The following CIB4 variants were observed in gnomAD, a reference collection of about 807,000 sequenced individuals.
CIB4 encodes calcium and integrin binding family member 4, also known as calcium and integrin-binding family member 4.
In CIB4, 25 loss-of-function variants were observed where a neutral mutation model predicts 25.8. The observed-to-expected ratio is 0.97, with a 90% CI of 0.71 to 1.35. CIB4 has a LOEUF of 1.35. Ranked by LOEUF, CIB4 falls within the 40% of genes most tolerant of loss-of-function variation. The pLI is 0.00. For missense variants in CIB4, 235 were observed against 228.2 expected (o/e 1.03, Z -0.19); for synonymous variants, 75 against 81.4 (o/e 0.92, Z 0.42).
chr2:26,608,250 A>G (rs1668930232), intron 3 of CIB4, among the ~76,000 whole-genome samples: 1 of 151,770 alleles, frequency 6.6e-6, no homozygotes, highest in Non-Finnish European at 1.5e-5. Context: ...AAAAAAAAAA[A>G]AAAAAAAGGA....
intron 3 of CIB4, among the ~76,000 whole-genome samples, chr2:26,612,661 T>A (rs1484926881): frequency 6.6e-6 from 1 of 151,750 alleles, no homozygotes; most frequent in Non-Finnish European, 1.5e-5. Context: ...CAGGAGGCCA[T>A]TTGCCCAGAG....
intron 2 of CIB4, among the ~76,000 whole-genome samples, chr2:26,634,021 C>A (rs370772142): frequency 3.2e-4 from 49 of 152,306 alleles, no homozygotes; most frequent in African/African-American, 1.1e-3. Context: ...CTCTGAGACC[C>A]TCTAGCTTAG....
At position 26,599,925 on chromosome 2, in the gene CIB4, T is replaced by C. The variant is rs886497410; in HGVS notation, c.187-4608A>G. On this transcript the variant is annotated intron_variant, in intron 3 of 6. Coordinates refer to ENST00000288861, the MANE Select transcript of CIB4 (RefSeq NM_001029881.3). ...CTGTCTCTACTAAAAATACAAAAAT[T>C]AGCTGGACATGGTGGCGTGCACCTG... 3.4e-5 allele frequency among the ~76,000 whole-genome samples: 5 copies of C among 148,232 alleles called. 1 individual carries two copies. Among genetic ancestry groups the C allele is most frequent in the African/African-American group, 1.3e-4 (5 of 39,034 alleles).
intron 4 of CIB4, among the ~76,000 whole-genome samples, chr2:26,585,249 G>A (rs1203634847): frequency 2.0e-5 from 3 of 151,264 alleles, no homozygotes; most frequent in African/African-American, 4.9e-5. Context: ...AGCCAGGGAC[G>A]GCGGCAGAGA....
chr2:26,588,520 A>C (rs1328925149), intron 4 of CIB4, among the ~76,000 whole-genome samples: 1 of 152,194 alleles, frequency 6.6e-6, no homozygotes, highest in Admixed American at 6.5e-5. Context: ...CTCAGCCTTC[A>C]GTCCCCCCAA....
rs771322812 is a variant in CIB4 at position 26,627,486 on chromosome 2, C to A, written c.186+1924G>T. 6.6e-6 allele frequency among the ~76,000 whole-genome samples: 1 copy of A among 152,148 alleles called. No homozygotes were observed. The highest frequency in any genetic ancestry group is 1.5e-5 in the Non-Finnish European group (1 of 68,014). On this transcript the variant is annotated intron_variant, in intron 3 of 6. Transcript: ENST00000288861. This position sits in a 1 kb window ranked among gnomAD's most constrained non-coding sequence, Gnocchi z 4.0. ...CCCACCCAGGGGAGGGCAGAAGCTT[C>A]CCATCAGCCCTGCCTGTCTGGCTGG...
In CIB4 at chr2:26,592,045, ACT is replaced by A. The variant is rs143427511; in HGVS notation, c.328+3129_328+3130del. Among the ~76,000 whole-genome samples the A allele has an allele frequency of 2.1e-3, 317 of 152,300 alleles. 2 individuals are homozygous for A. The highest frequency in any genetic ancestry group is 7.2e-3 in the African/African-American group (298 of 41,570). On this transcript the variant is annotated intron_variant, in intron 4 of 6. Coordinates refer to ENST00000288861, the MANE Select transcript of CIB4 (RefSeq NM_001029881.3). ...ATGCCTGGACTCCTAACCCACAGAA[ACT>A]GTGAGGTTACTAATGTATGTAATCT... is the stretch of plus-strand genomic sequence containing the variant.
chr2:26,616,688 C>G (rs1008581624), intron 3 of CIB4, among the ~76,000 whole-genome samples: 1 of 152,222 alleles, frequency 6.6e-6, no homozygotes, highest in Non-Finnish European at 1.5e-5. Context: ...GCTATTCCAT[C>G]TCAGCCATCA....
chr2:26,636,395 C>A (rs1669533210), intron 2 of CIB4, among the ~76,000 whole-genome samples: 1 of 152,154 alleles, frequency 6.6e-6, no homozygotes, highest in African/African-American at 2.4e-5. Flanking sequence ...CATCTCCAAA[C>A]TTTCTGCAGA....
intron 3 of CIB4, among the ~76,000 whole-genome samples, chr2:26,609,316 G>A (rs925023887): frequency 2.0e-5 from 3 of 152,100 alleles, no homozygotes; most frequent in Non-Finnish European, 4.4e-5. Context: ...GGAAGAGGAA[G>A]GGGAGAGGCA....
intron 3 of CIB4, among the ~76,000 whole-genome samples, chr2:26,600,882 A>G (rs1256364640): frequency 6.6e-6 from 1 of 152,096 alleles, no homozygotes; most frequent in African/African-American, 2.4e-5. Flanking sequence ...AGGGGTGAAG[A>G]ACAGCCAAGT....
chr2:26,595,033 A>G (rs1668653364), intron 4 of CIB4, 143 bp downstream of exon 4: 2 of 731,438 alleles, frequency 2.7e-6, no homozygotes, highest in South Asian at 2.3e-5. Context: ...TCCATGGTAC[A>G]TGCAAAATAT....
At chr2:26,619,491 G>A (rs1339668761) in intron 3 of CIB4, among the ~76,000 whole-genome samples, 4 of 152,196 alleles carry the variant, frequency 2.6e-5, no homozygotes, top group African/African-American at 9.7e-5. Flanking sequence ...GGAAAGGCAG[G>A]TGTGATTCCT....
At chr2:26,585,583 G>A (rs959046800) in intron 4 of CIB4, among the ~76,000 whole-genome samples, 9 of 152,098 alleles carry the variant, frequency 5.9e-5, no homozygotes, top group African/African-American at 2.2e-4. Flanking sequence ...TGTTTTCGCT[G>A]TGGCCAGGCA....
intron 3 of CIB4, among the ~76,000 whole-genome samples, chr2:26,608,294 G>T (rs1572555493): frequency 6.6e-6 from 1 of 151,212 alleles, no homozygotes. Flanking sequence ...TGAGAAGGGG[G>T]CTCACGTGCT....
At chr2:26,613,414 G>T (rs1669033818) in intron 3 of CIB4, among the ~76,000 whole-genome samples, 1 of 152,140 alleles carries the variant, frequency 6.6e-6, no homozygotes. Context: ...CTAAGCCCCT[G>T]GTGTGAGGCT....
chr2:26,609,117 G>A (rs1244470026), intron 3 of CIB4, among the ~76,000 whole-genome samples: 2 of 152,146 alleles, frequency 1.3e-5, no homozygotes, highest in African/African-American at 4.8e-5. Flanking sequence ...TGGTTTTATC[G>A]AATTACGACG....
chr2:26,619,211 G>A (rs1437769912), intron 3 of CIB4, among the ~76,000 whole-genome samples: 1 of 152,204 alleles, frequency 6.6e-6, no homozygotes, highest in African/African-American at 2.4e-5. Flanking sequence ...AAAGGAAAGA[G>A]GAGTGACATT....
rs771802864 is a variant in CIB4, at chr2:26,641,262, T to C, written c.53A>G (p.Gln18Arg). The change falls in exon 1 of 7, where the codon CAG becomes CGG. Residue 18 changes from glutamine (Q) to arginine (R), a missense_variant and splice_region_variant. Coordinates refer to ENST00000288861, the MANE Select transcript of CIB4 (RefSeq NM_001029881.3). ...GAGTCCCTAGCCCGATCTACCCACC[T>C]GGTACTCTTCCAGGTCCTCCCAGTG... The part of the protein sequence containing the change: ...QMHWEDLEEY[Q>R]ALTFLTRNEI... 6.2e-7 allele frequency: 1 copy of C among 1,612,618 alleles called. No homozygotes were observed. Among genetic ancestry groups the C allele is most frequent in the East Asian group, 2.2e-5 (1 of 44,826 alleles).
Sources: allele counts gnomAD v4.1 joint callset (sites outside exome capture counted in the v4.1 genomes callset), GRCh38; gene constraint gnomAD v4.1.1; non-coding constraint Gnocchi (gnomAD v3.1); transcripts MANE v1.5; gene names NCBI Gene and HGNC (gene_info 2026-07-23, HGNC 2026-07-21).